Variants in CECR2 observed in about 807,000 individuals in gnomAD.
The protein encoded by CECR2 is CECR2 histone acetyl-lysine reader.
A neutral mutation model predicts 154.5 loss-of-function variants in CECR2; 30 were observed. The observed-to-expected ratio is 0.19, with a 90% CI of 0.15 to 0.26. CECR2 has a LOEUF of 0.26. CECR2 is among the 10% of genes least tolerant of loss of function. The probability of loss-of-function intolerance (pLI) is 1.00; values close to 1 mark genes in which losing one functional copy is unlikely to be tolerated. For missense variants in CECR2, 1,743 were observed against 1,829.3 expected, an observed-to-expected ratio of 0.95 and a Z score of 0.86; for synonymous variants, 725 against 683.7, an observed-to-expected ratio of 1.06 and a Z score of -0.94.
chr22:17,429,546 AAAAAC>A (rs2054387818), intron 1 of CECR2, among the ~76,000 whole-genome samples: 1 of 128,968 alleles, frequency 7.8e-6, no homozygotes, highest in East Asian at 2.2e-4. Flanking sequence ...TACCAAAAAC[AAAAAC>A]AAAAACAAAG....
chr22:17,540,259 T>C (rs766399645), intron 13 of CECR2, among the ~76,000 whole-genome samples, 153 bp from the exon 14 acceptor site: 63 of 152,366 alleles, frequency 4.1e-4, no homozygotes, highest in Non-Finnish European at 8.7e-4. Flanking sequence ...TAAAGGTGAA[T>C]TAAACTCATA....
intron 1 of CECR2, among the ~76,000 whole-genome samples, chr22:17,388,302 A>C (rs2063288668): frequency 6.6e-6 from 1 of 152,210 alleles, no homozygotes. Flanking sequence ...CATAAAAGTT[A>C]CATGAATTTT....
At position 17,434,297 on chromosome 22, in the gene CECR2, G is replaced by GATGAC. The variant is rs1454792292; in HGVS notation, c.127-43291_127-43290insATGAC. ...CGAAGGCGAGGAAGGATCCAGGAGA[G>GATGAC]GTCATGCTCTGAGTCCAGACCCATC... On this transcript the variant is annotated intron_variant, in intron 1 of 18. Transcript: ENST00000262608. Among the ~76,000 whole-genome samples the GATGAC allele has an allele frequency of 2.0e-5, 3 of 152,334 alleles. No individual in the cohort carries two copies. In the East Asian group the frequency reaches 5.8e-4, roughly 29 times the overall value.
chr22:17,423,117 T>C (rs2054281219), intron 1 of CECR2, among the ~76,000 whole-genome samples: 1 of 152,170 alleles, frequency 6.6e-6, no homozygotes, highest in Admixed American at 6.5e-5. Flanking sequence ...CTGGGTGAAG[T>C]AGGCCTTTAG....
chr22:17,436,309 G>A (rs1323136861), intron 1 of CECR2, among the ~76,000 whole-genome samples: 1 of 152,138 alleles, frequency 6.6e-6, no homozygotes, highest in African/African-American at 2.4e-5. Context: ...GCCAACTACA[G>A]CCCAAGCTTA....
At chr22:17,450,942 C>T (rs2054759583) in intron 1 of CECR2, among the ~76,000 whole-genome samples, 1 of 152,234 alleles carries the variant, frequency 6.6e-6, no homozygotes, top group African/African-American at 2.4e-5. Context: ...GTTCTCTACT[C>T]ACTGGTCCCT....
At chr22:17,540,919 C>T (rs531136734) in intron 14 of CECR2, 119 bp downstream of exon 14, 3 of 1,072,144 alleles carry the variant, frequency 2.8e-6, no homozygotes, top group Non-Finnish European at 3.9e-6. Flanking sequence ...GAATCTTTTT[C>T]CCTGTGAGTC....
chr22:17,395,228 C>CT (rs1357625364), intron 1 of CECR2, among the ~76,000 whole-genome samples: 2 of 152,130 alleles, frequency 1.3e-5, no homozygotes, highest in African/African-American at 4.8e-5. Flanking sequence ...AGGTCTCACT[C>CT]TATTTCCCAG....
At position 17,541,973 on chromosome 22, in the gene CECR2, C is replaced by T. The variant is rs1278490009; in HGVS notation, c.2013+6C>T. The T allele has an allele frequency of 6.2e-7, 1 of 1,610,544 alleles. No individual in the cohort carries two copies. On this transcript the variant is annotated splice_donor_region_variant and intron_variant, in intron 15 of 18. Transcript: ENST00000262608. ...GTCAGCCTTTCACCATGCAGGTAAG[C>T]AGCCTACTCTGGAGGTGCAGGTGCA...
intron 1 of CECR2, among the ~76,000 whole-genome samples, chr22:17,432,354 T>G (rs574982775): frequency 9.2e-5 from 14 of 152,352 alleles, no homozygotes; most frequent in African/African-American, 2.9e-4. Flanking sequence ...TAATACCACA[T>G]TTGGTTCATC....
intron 1 of CECR2, among the ~76,000 whole-genome samples, chr22:17,465,519 C>G (rs535742725): frequency 6.6e-6 from 1 of 151,558 alleles, no homozygotes; most frequent in East Asian, 2.0e-4. Context: ...GAGTCTTGCT[C>G]TGTCACCCAG....
intron 1 of CECR2, among the ~76,000 whole-genome samples, chr22:17,371,795 T>C (rs2063064303): frequency 6.6e-6 from 1 of 152,232 alleles, no homozygotes; most frequent in South Asian, 2.1e-4. Context: ...AAACTTTATG[T>C]CTCAAAATCC....
chr22:17,409,466 C>T (rs1004592579), intron 1 of CECR2, among the ~76,000 whole-genome samples: 2 of 111,778 alleles, frequency 1.8e-5, no homozygotes, highest in East Asian at 4.0e-4. Flanking sequence ...CTCTTGACCT[C>T]GTGATCCGCC....
chr22:17,522,361 A>C (rs944523423), intron 8 of CECR2, among the ~76,000 whole-genome samples: 2 of 152,170 alleles, frequency 1.3e-5, no homozygotes, highest in African/African-American at 4.8e-5. Context: ...AGTGGGGTGG[A>C]AGTGAGAGCA....
At chr22:17,413,691 T>A (rs1451892081) in intron 1 of CECR2, among the ~76,000 whole-genome samples, 17 of 148,640 alleles carry the variant, frequency 1.1e-4, no homozygotes, top group South Asian at 4.2e-4. Context: ...TATTATTATT[T>A]TTTGAGATGG....
At position 17,557,655 on chromosome 22, in the gene CECR2, T is replaced by G. The variant is rs1011320505; in HGVS notation, c.*4815T>G. 6.5e-5 allele frequency: 9 copies of G among 138,648 alleles called. No individual in the cohort carries two copies. Among genetic ancestry groups the G allele is most frequent in the African/African-American group, 1.6e-4 (6 of 38,030 alleles). 8.6% of individuals were successfully genotyped at this position (138,648 alleles called of 1,614,324 possible). ...GAGCAGTTGATTGTCCTTGCTTGTG[T>G]TGTTGACAGGGGTGGGTGGGGTGGG... On this transcript the variant is annotated 3_prime_UTR_variant, in exon 19 of 19. Coordinates refer to ENST00000262608, the MANE Select transcript of CECR2 (RefSeq NM_001290047.2).
intron 1 of CECR2, among the ~76,000 whole-genome samples, chr22:17,429,368 A>C (rs2054383153): frequency 6.6e-6 from 1 of 152,160 alleles, no homozygotes; most frequent in Non-Finnish European, 1.5e-5. Flanking sequence ...AGTAAGATAA[A>C]AGACAGGAGG....
At chr22:17,447,796 GCCA>G (rs1393406999) in intron 1 of CECR2, among the ~76,000 whole-genome samples, 1 of 152,052 alleles carries the variant, frequency 6.6e-6, no homozygotes, top group Admixed American at 6.6e-5. Context: ...CAATGTATTA[GCCA>G]CTGGCAGCTG....
intron 2 of CECR2, among the ~76,000 whole-genome samples, chr22:17,496,791 T>C (rs1216741444): frequency 6.6e-6 from 1 of 152,220 alleles, no homozygotes; most frequent in Non-Finnish European, 1.5e-5. Context: ...GACTTTTGCC[T>C]CAGCTTCATA....
Sources: allele counts gnomAD v4.1 joint callset (sites outside exome capture counted in the v4.1 genomes callset), GRCh38; gene constraint gnomAD v4.1.1; transcripts MANE v1.5; gene names NCBI Gene and HGNC (gene_info 2026-07-23, HGNC 2026-07-21).